The following SLC30A10 variants were observed in gnomAD, a reference collection of about 807,000 sequenced individuals.
SLC30A10 encodes solute carrier family 30 member 10.
Under a neutral mutation model 21.7 loss-of-function variants are expected in SLC30A10, and 8 were observed. The ratio of observed to expected loss-of-function variants is 0.37; its 90% CI spans 0.22 to 0.67. The LOEUF (loss-of-function observed/expected upper bound fraction) is 0.67. Ranked by LOEUF, SLC30A10 falls within the 30% of genes least tolerant of loss-of-function variation. SLC30A10 has a pLI of 0.58. For missense variants in SLC30A10, 521 were observed against 642.5 expected (o/e 0.81, Z 2.04); for synonymous variants, 272 against 279.4 (o/e 0.97, Z 0.26).
intron 2 of SLC30A10, among the ~76,000 whole-genome samples, chr1:219,921,060 C>T (rs1041207715): frequency 2.0e-5 from 3 of 152,108 alleles, no homozygotes; most frequent in South Asian, 2.1e-4. Flanking sequence ...GAAAACAAGC[C>T]GCGTGGAAAA....
intron 1 of SLC30A10, among the ~76,000 whole-genome samples, chr1:219,941,709 T>TCCCC (rs1362275609): frequency 3.4e-5 from 5 of 147,154 alleles, no homozygotes; most frequent in Non-Finnish European, 7.5e-5. Flanking sequence ...TCTCTCTCTC[T>TCCCC]CCCCCTCTCC....
intron 1 of SLC30A10, among the ~76,000 whole-genome samples, chr1:219,946,611 A>C (rs2102544898): frequency 6.6e-6 from 1 of 152,158 alleles, no homozygotes; most frequent in South Asian, 2.1e-4. Context: ...CTGGCGGGTT[A>C]GGTTGAAGAA....
At chr1:219,956,012 A>G (rs948455727) in intron 1 of SLC30A10, among the ~76,000 whole-genome samples, 1 of 152,192 alleles carries the variant, frequency 6.6e-6, no homozygotes, top group Non-Finnish European at 1.5e-5. Flanking sequence ...CTGATGCAAT[A>G]TTTATTCTTT....
chr1:219,958,180 A>T (rs1353720), intron 1 of SLC30A10, among the ~76,000 whole-genome samples: 71,133 of 151,318 alleles, frequency 0.47, 16,754 homozygotes, highest in South Asian at 0.52. Flanking sequence ...ACTTTTTTTT[A>T]AATTCAAACA....
In SLC30A10 at chr1:219,927,723, C is replaced by A. The variant is rs531610923; in HGVS notation, c.640+78G>T. The A allele has an allele frequency of 7.2e-6, 9 of 1,242,276 alleles. No individual in the cohort carries two copies. The Admixed American group carries it at 3.8e-4, about 52-fold the overall frequency. The allele number at this position is 1,242,276 out of a possible 1,614,324, so 77.0% of individuals were successfully genotyped here. A position where few individuals can be genotyped will look rare whatever the true frequency, so the allele number is the denominator to read the frequency against. On this transcript the variant is annotated intron_variant, in intron 1 of 3. Coordinates refer to ENST00000366926, the MANE Select transcript of SLC30A10 (RefSeq NM_018713.3). Reference sequence around the variant, plus strand: ...AAAAGCATGCAGAAGAAAAAGAGGGCGTGGGGTGAGAAGAAAGGGACCGGG... The same window carrying A: ...AAAAGCATGCAGAAGAAAAAGAGGGAGTGGGGTGAGAAGAAAGGGACCGGG...
chr1:219,948,609 A>T (rs1305508650), intron 1 of SLC30A10, among the ~76,000 whole-genome samples: 1 of 152,224 alleles, frequency 6.6e-6, no homozygotes, highest in Non-Finnish European at 1.5e-5. Context: ...ACAAAAATTA[A>T]TTCAAGATGG....
intron 1 of SLC30A10, among the ~76,000 whole-genome samples, chr1:219,941,569 C>T (rs1334181117): frequency 3.4e-5 from 4 of 118,030 alleles, no homozygotes; most frequent in Middle Eastern, 4.5e-3. Flanking sequence ...TCCTTCCTTC[C>T]TCCCTCCCTT....
At chr1:219,930,212 C>A (rs181871329), upstream of SLC30A10, among the ~76,000 whole-genome samples, 1 of 150,744 alleles carries the variant, frequency 6.6e-6, no homozygotes, top group Non-Finnish European at 1.5e-5. Flanking sequence ...TGGCTTACAC[C>A]TGTAATTTCA....
At position 219,913,905 on chromosome 1, in the gene SLC30A10, C is replaced by A. The variant is rs1275528339; in HGVS notation, c.*1544G>T. On this transcript the variant is annotated 3_prime_UTR_variant, in exon 4 of 4. Transcript: ENST00000366926. ...AGGCCAGCTGGGCAACATAGCGAGA[C>A]CCTGTCTCTACAAAAAAAGAAAAAA... is the stretch of plus-strand genomic sequence containing the variant. The A allele has an allele frequency of 6.6e-6, 1 of 152,098 alleles. No homozygotes were observed. The highest frequency in any genetic ancestry group is 2.4e-5 in the African/African-American group (1 of 41,406). 9.4% of individuals were successfully genotyped at this position (152,098 alleles called of 1,614,324 possible).
intron 1 of SLC30A10, among the ~76,000 whole-genome samples, chr1:219,950,316 A>G (rs1660250654): frequency 6.6e-6 from 1 of 152,250 alleles, no homozygotes; most frequent in South Asian, 2.1e-4. Flanking sequence ...GAGCACTGAA[A>G]GATGGGGAAG....
intron 1 of SLC30A10, among the ~76,000 whole-genome samples, chr1:219,945,911 G>A (rs571847663): frequency 6.6e-6 from 1 of 152,170 alleles, no homozygotes; most frequent in Non-Finnish European, 1.5e-5. Flanking sequence ...AAACAATCCA[G>A]ACTGAAACTG....
chr1:219,942,062 C>T (rs1660130785), intron 1 of SLC30A10, among the ~76,000 whole-genome samples: 1 of 152,152 alleles, frequency 6.6e-6, no homozygotes, highest in African/African-American at 2.4e-5. Context: ...ATAAAGATGG[C>T]CTGGTTTATA....
intron 1 of SLC30A10, among the ~76,000 whole-genome samples, chr1:219,941,900 T>C (rs909656543): frequency 3.3e-5 from 5 of 152,202 alleles, no homozygotes; most frequent in Admixed American, 6.5e-5. Flanking sequence ...GGTGCCATAA[T>C]CGATCTCCTG....
intron 1 of SLC30A10, among the ~76,000 whole-genome samples, chr1:219,941,178 A>T (rs1660115536): frequency 1.3e-5 from 2 of 152,228 alleles, no homozygotes; most frequent in Non-Finnish European, 1.5e-5. Flanking sequence ...TCAGAATGAG[A>T]CATTCAGTTG....
intron 1 of SLC30A10, among the ~76,000 whole-genome samples, chr1:219,952,519 G>C (rs912615205): frequency 6.6e-6 from 1 of 152,112 alleles, no homozygotes; most frequent in African/African-American, 2.4e-5. Flanking sequence ...TAAGGGCCTG[G>C]ACTCAAAGTT....
At chr1:219,940,909 T>C (rs1034440045) in intron 1 of SLC30A10, among the ~76,000 whole-genome samples, 11 of 152,200 alleles carry the variant, frequency 7.2e-5, no homozygotes, top group African/African-American at 2.7e-4. Flanking sequence ...CTGTTGCCTT[T>C]GGCAGACCCA....
chr1:219,952,081 G>A (rs1660280111), intron 1 of SLC30A10, among the ~76,000 whole-genome samples: 2 of 152,124 alleles, frequency 1.3e-5, no homozygotes, highest in South Asian at 4.1e-4. Flanking sequence ...TGGCCTGCCA[G>A]TTTGTGGATG....
Position 219,951,699 on chromosome 1 carries a change from CGACAGAGTGA to C in SLC30A10, n.80+6859_80+6868del, listed in dbSNP as rs1660274144. ...TCGCGCCACTGCACTCCAGCCTGGA[CGACAGAGTGA>C]GACTCCATCTCAAAAAAAAAAAGAA... On this transcript the variant is annotated intron_variant and non_coding_transcript_variant, in intron 1 of 8. Transcript: ENST00000484239. Among the ~76,000 whole-genome samples the C allele has an allele frequency of 2.0e-5, 3 of 149,310 alleles. No individual in the cohort carries two copies. In the South Asian group the frequency reaches 6.4e-4, roughly 32 times the overall value.
chr1:219,928,588 T>C (rs1032751274), upstream of SLC30A10: 6 of 574,336 alleles, frequency 1.0e-5, no homozygotes, highest in East Asian at 4.0e-5. This position sits in a 1 kb window ranked among gnomAD's most constrained non-coding sequence, Gnocchi z 6.3. Flanking sequence ...CCGCTTTTTA[T>C]AACGCGAGGC....
Sources: gnomAD v4.1 joint callset for allele counts (sites outside exome capture counted in the v4.1 genomes callset) on GRCh38, gnomAD v4.1.1 for gene constraint, Gnocchi (gnomAD v3.1) non-coding constraint, MANE v1.5 for transcripts, NCBI Gene and HGNC (gene_info 2026-07-23, HGNC 2026-07-21) for gene names.